UNC79: variants seen among roughly 807,000 people sequenced by gnomAD.
UNC79 encodes unc-79 subunit of NALCN channel complex.
UNC79 carries 37 observed loss-of-function variants against 283.1 expected under a neutral mutation model. The ratio of observed to expected loss-of-function variants is 0.13; its 90% CI spans 0.10 to 0.17. The LOEUF (loss-of-function observed/expected upper bound fraction) is 0.17. Ranked by LOEUF, UNC79 falls within the 10% of genes least tolerant of loss-of-function variation. UNC79 has a pLI of 1.00. For synonymous variants in UNC79, 1,107 were observed against 1,200.2 expected, an observed-to-expected ratio of 0.92 and a Z score of 1.61; for missense variants, 2,272 against 3,211.1, an observed-to-expected ratio of 0.71 and a Z score of 7.07.
Position 93,342,302 on chromosome 14 carries a change from G to A in UNC79, c.-351+8779G>A, listed in dbSNP as rs570613481. ...CACATGGAAGCTTCCAAGGCTTGGA[G>A]CTTGTTCCCTCTGAAGCAATGACTC... On this transcript the variant is annotated intron_variant, in intron 1 of 49. Transcript: ENST00000256339. Among the ~76,000 whole-genome samples, 7 of 152,324 alleles carry A rather than the reference G, an allele frequency of 4.6e-5. No individual in the cohort carries two copies. The South Asian group carries it at 1.4e-3, about 32-fold the overall frequency.
At chr14:93,626,403 T>C (rs1247139060) in intron 30 of UNC79, among the ~76,000 whole-genome samples, 1 of 152,190 alleles carries the variant, frequency 6.6e-6, no homozygotes, top group Non-Finnish European at 1.5e-5. Flanking sequence ...TCTCTCTCGC[T>C]TACTCAAGAA....
At chr14:93,398,705 C>T (rs2055045787) in intron 1 of UNC79, among the ~76,000 whole-genome samples, 1 of 152,176 alleles carries the variant, frequency 6.6e-6, no homozygotes, top group African/African-American at 2.4e-5. Flanking sequence ...ATGTTGTAAT[C>T]TACAAACACA....
At chr14:93,339,662 C>T (rs2053661699) in intron 1 of UNC79, among the ~76,000 whole-genome samples, 1 of 152,244 alleles carries the variant, frequency 6.6e-6, no homozygotes, top group African/African-American at 2.4e-5. Flanking sequence ...GCATTTGCCT[C>T]TGAAGGCTCT....
chr14:93,486,638 G>T (rs546694020), intron 4 of UNC79, among the ~76,000 whole-genome samples: 8 of 124,962 alleles, frequency 6.4e-5, no homozygotes, highest in Non-Finnish European at 1.1e-4. Flanking sequence ...TGGGCAACAA[G>T]AGTGAGACTC....
intron 1 of UNC79, among the ~76,000 whole-genome samples, chr14:93,344,602 A>G (rs2053784206): frequency 6.6e-6 from 1 of 152,190 alleles, no homozygotes; most frequent in Non-Finnish European, 1.5e-5. Flanking sequence ...ATCCCAACCA[A>G]CAGACTGGGT....
rs780300033 is a variant in UNC79, at chr14:93,577,965, T to G, written c.2335T>G (p.Phe779Val). ...TCCGTTTCGTAGCCCTTTCAAGAAT[T>G]TTGGACACCCAGGAGGAAGGACTAT... The change falls in exon 18 of 49, where the codon TTT (phenylalanine) becomes GTT (valine). Residue 779 changes from phenylalanine to valine, a missense_variant. Phe to Val is a conservative substitution (Grantham distance 50). Coordinates refer to ENST00000555664, the Ensembl canonical transcript of UNC79. The G allele has an allele frequency of 2.1e-5, 34 of 1,614,084 alleles. No homozygotes were observed. The South Asian group carries it at 3.3e-4, about 16-fold the overall frequency.
At chr14:93,433,174 T>C (rs1307994571) in intron 1 of UNC79, among the ~76,000 whole-genome samples, 1 of 152,198 alleles carries the variant, frequency 6.6e-6, no homozygotes, top group Non-Finnish European at 1.5e-5. Context: ...AGAGTTTCCA[T>C]CTTTAAAGTA....
chr14:93,580,363 A>G, exon 19 of UNC79: 2 of 1,613,816 alleles, frequency 1.2e-6, no homozygotes, highest in South Asian at 2.2e-5. Context: ...CCTAAAGAAG[A>G]AAGCCGGCTG....
chr14:93,644,873 T>C (rs1596212762), intron 34 of UNC79, among the ~76,000 whole-genome samples: 1 of 152,134 alleles, frequency 6.6e-6, no homozygotes, highest in Admixed American at 6.5e-5. Flanking sequence ...ATAGACAGAT[T>C]GTATAAAGGT....
intron 1 of UNC79, among the ~76,000 whole-genome samples, chr14:93,439,457 TCTTAA>T (rs2056213440): frequency 6.6e-6 from 1 of 152,110 alleles, no homozygotes; most frequent in Non-Finnish European, 1.5e-5. Context: ...TTGCTTCCTC[TCTTAA>T]CTTTATTAAT....
At chr14:93,618,972 G>A (rs1174352878) in intron 29 of UNC79, among the ~76,000 whole-genome samples, 1 of 152,100 alleles carries the variant, frequency 6.6e-6, no homozygotes, top group Non-Finnish European at 1.5e-5. Flanking sequence ...GAACCAGGGT[G>A]TATATTTTTA....
At chr14:93,537,446 A>G (rs2061146793) in intron 11 of UNC79, among the ~76,000 whole-genome samples, 1 of 152,264 alleles carries the variant, frequency 6.6e-6, no homozygotes, top group South Asian at 2.1e-4. Context: ...TTGGCACAGC[A>G]CAGTCTCTGT....
At chr14:93,357,284 G>T (rs1044180640) in intron 1 of UNC79, among the ~76,000 whole-genome samples, 1 of 152,066 alleles carries the variant, frequency 6.6e-6, no homozygotes, top group African/African-American at 2.4e-5. Flanking sequence ...CCACTAATGG[G>T]CATTGTGATG....
At chr14:93,526,991 T>C (rs2060577326) in intron 8 of UNC79, among the ~76,000 whole-genome samples, 1 of 152,214 alleles carries the variant, frequency 6.6e-6, no homozygotes, top group Admixed American at 6.5e-5. Context: ...TAAGCAAGAA[T>C]GGTATACCAA....
intron 1 of UNC79, among the ~76,000 whole-genome samples, chr14:93,417,490 A>G (rs2055489042): frequency 6.6e-6 from 1 of 152,002 alleles, no homozygotes; most frequent in African/African-American, 2.4e-5. Flanking sequence ...AAATCTGACA[A>G]TTATGTGTCT....
chr14:93,548,151 CA>C (rs1254496507), intron 14 of UNC79, among the ~76,000 whole-genome samples: 19 of 152,192 alleles, frequency 1.2e-4, no homozygotes, highest in Non-Finnish European at 4.4e-5. Context: ...ACAAATTTCT[CA>C]CAGTTGTGGA....
rs537935152 is a variant in UNC79, at chr14:93,625,282, C to T, written c.5608+2441C>T. Among the ~76,000 whole-genome samples, 203 of 152,304 alleles carry T rather than the reference C, an allele frequency of 1.3e-3. 1 individual carries two copies. Among genetic ancestry groups the T allele is most frequent in the Admixed American group, 4.3e-3 (66 of 15,294 alleles). ...ACCCTTCCCTTCTTGTCTCTAGAAA[C>T]TCCCTCTCTGAGCTGCATACCCTCA... On this transcript the variant is annotated intron_variant, in intron 30 of 48. Transcript: ENST00000555664.
chr14:93,675,808 T>C (rs568632311), intron 41 of UNC79, among the ~76,000 whole-genome samples: 2 of 152,314 alleles, frequency 1.3e-5, no homozygotes, highest in East Asian at 3.9e-4. Context: ...CAGTGATTGC[T>C]GGAAAATGAC....
At chr14:93,676,391 T>G (rs576518204) in intron 41 of UNC79, among the ~76,000 whole-genome samples, 4 of 152,320 alleles carry the variant, frequency 2.6e-5, no homozygotes, top group African/African-American at 9.6e-5. Context: ...TCATGGGATC[T>G]ACACTGACTT....
Sources: allele counts gnomAD v4.1 joint callset (sites outside exome capture counted in the v4.1 genomes callset), GRCh38; gene constraint gnomAD v4.1.1; transcripts MANE v1.5; gene names NCBI Gene and HGNC (gene_info 2026-07-23, HGNC 2026-07-21).